The following DPP6 variants were observed in gnomAD, a reference collection of about 807,000 sequenced individuals.
The protein encoded by DPP6 is A-type potassium channel modulatory protein DPP6.
A neutral mutation model predicts 122.6 loss-of-function variants in DPP6; 69 were observed. The observed-to-expected ratio is 0.56, with a 90% CI of 0.46 to 0.69. The LOEUF is 0.69. Among genes scored for constraint, DPP6 ranks in the 30% least tolerant of loss-of-function variants. The pLI is 0.00. For missense variants in DPP6, 928 were observed against 1,116.9 expected (o/e 0.83, Z 2.41); for synonymous variants, 418 against 433.1 (o/e 0.97, Z 0.43).
chr7:154,187,520 C>T (rs961026997), intron 1 of DPP6, among the ~76,000 whole-genome samples: 1 of 152,166 alleles, frequency 6.6e-6, no homozygotes, highest in African/African-American at 2.4e-5. Context: ...GGAAGAGCTC[C>T]TTTAAATTTA....
chr7:154,232,723 C>A (rs1460428594), intron 1 of DPP6, among the ~76,000 whole-genome samples: 1 of 152,192 alleles, frequency 6.6e-6, no homozygotes, highest in Non-Finnish European at 1.5e-5. Flanking sequence ...ACACATTCTA[C>A]CTGCGGAGCT....
chr7:154,744,356 A>G (rs1842943094), intron 8 of DPP6, among the ~76,000 whole-genome samples: 1 of 152,242 alleles, frequency 6.6e-6, no homozygotes, highest in Non-Finnish European at 1.5e-5. Context: ...TGGAATAGAA[A>G]GTCAAAACCC....
chr7:154,599,418 C>T (rs376921799), intron 5 of DPP6, among the ~76,000 whole-genome samples: 21 of 152,082 alleles, frequency 1.4e-4, no homozygotes, highest in Middle Eastern at 6.8e-3. Flanking sequence ...GCTCAGGTGA[C>T]GAGGTGAATA....
intron 1 of DPP6, among the ~76,000 whole-genome samples, chr7:154,283,102 G>A (rs1460394029): frequency 6.6e-6 from 1 of 152,150 alleles, no homozygotes; most frequent in Non-Finnish European, 1.5e-5. Flanking sequence ...TCTGAATCGG[G>A]ACCAGTCTCA....
At chr7:153,940,723 C>T (rs146705603) in intron 1 of DPP6, among the ~76,000 whole-genome samples, 99 of 152,280 alleles carry the variant, frequency 6.5e-4, no homozygotes, top group African/African-American at 2.0e-3. Context: ...GAAGAGAGCC[C>T]ACCTGGGGAC....
chr7:154,792,826 A>G (rs1444810465), intron 10 of DPP6, among the ~76,000 whole-genome samples: 1 of 152,214 alleles, frequency 6.6e-6, no homozygotes. Flanking sequence ...CCCAGTCCTC[A>G]GGAACTCCCC....
chr7:154,310,489 A>G (rs957958646), intron 1 of DPP6, among the ~76,000 whole-genome samples: 3 of 152,250 alleles, frequency 2.0e-5, no homozygotes, highest in Non-Finnish European at 4.4e-5. Context: ...GTGCAACCCA[A>G]ACTCAAAACA....
rs1436214317 is a variant in DPP6 at position 154,241,184 on chromosome 7, T to TATGC, written c.243+188124_243+188125insCATG. ...TGCACAGTAGGTAATTCAATATCAATATGTGTGTGTGTGTGTGTGTGTGTG... is the reference window on the plus strand; with the variant it reads ...TGCACAGTAGGTAATTCAATATCAATATGCATGTGTGTGTGTGTGTGTGTGTGTG... On this transcript the variant is annotated intron_variant, in intron 1 of 25. Coordinates refer to ENST00000377770, the MANE Select transcript of DPP6 (RefSeq NM_130797.4). This position sits in a 1 kb window ranked among gnomAD's most constrained non-coding sequence, Gnocchi z 9.0. Among the ~76,000 whole-genome samples, 7 of 100,706 alleles carry TATGC rather than the reference T, an allele frequency of 7.0e-5. No individual in the cohort carries two copies. Among genetic ancestry groups the TATGC allele is most frequent in the Admixed American group, 1.2e-4 (1 of 8,522 alleles). The allele number at this position is 100,706 out of a possible 152,430, so 66.1% of individuals were successfully genotyped here. A position where few individuals can be genotyped will look rare whatever the true frequency, so the allele number is the denominator to read the frequency against.
intron 1 of DPP6, among the ~76,000 whole-genome samples, chr7:154,000,554 G>T (rs1247836501): frequency 1.3e-5 from 2 of 152,184 alleles, no homozygotes; most frequent in Non-Finnish European, 2.9e-5. Context: ...GATCCAGCTG[G>T]CAAGTTGGCA....
chr7:154,169,586 A>G (rs1797431751), intron 1 of DPP6, among the ~76,000 whole-genome samples: 2 of 152,220 alleles, frequency 1.3e-5, no homozygotes, highest in African/African-American at 4.8e-5. Flanking sequence ...TGTTAAATGA[A>G]TTAATGCATT....
At chr7:154,817,366 C>T (rs149875102) in intron 16 of DPP6, among the ~76,000 whole-genome samples, 17 of 151,988 alleles carry the variant, frequency 1.1e-4, no homozygotes, top group South Asian at 2.1e-4. Flanking sequence ...TGATGGATGA[C>T]GTCACAAAAG....
At chr7:153,773,168 A>G in the DPP6 span, among the ~76,000 whole-genome samples, 1 of 148,826 alleles carries the variant, frequency 6.7e-6, no homozygotes, top group African/African-American at 2.4e-5. Context: ...GACAGAACAC[A>G]CAAAACCAAA....
chr7:154,623,641 A>ATG, intron 5 of DPP6, among the ~76,000 whole-genome samples: 1 of 93,378 alleles, frequency 1.1e-5, no homozygotes, highest in African/African-American at 3.8e-5. Flanking sequence ...GCGTGCACAC[A>ATG]CGCGCACACA....
intron 4 of DPP6, among the ~76,000 whole-genome samples, chr7:154,545,440 T>C (rs1402786822): frequency 1.3e-5 from 2 of 151,206 alleles, no homozygotes; most frequent in Non-Finnish European, 2.9e-5. Flanking sequence ...TCCCTCCTTT[T>C]CTTCATCCTT....
intron 1 of DPP6, among the ~76,000 whole-genome samples, chr7:153,932,136 T>TTTC (rs1801198282): frequency 6.6e-6 from 1 of 151,564 alleles, no homozygotes; most frequent in African/African-American, 2.4e-5. Context: ...TTTTTTTTTT[T>TTTC]TTTTAACAGA....
At chr7:154,231,067 C>T (rs901712700) in intron 1 of DPP6, among the ~76,000 whole-genome samples, 2 of 152,146 alleles carry the variant, frequency 1.3e-5, no homozygotes, top group Non-Finnish European at 2.9e-5. Context: ...GTGACTGATT[C>T]TTCTTGCATA....
chr7:154,883,237 CAT>C (rs1212429461), intron 21 of DPP6, among the ~76,000 whole-genome samples: 34 of 143,116 alleles, frequency 2.4e-4, no homozygotes. Context: ...AATGCTCACA[CAT>C]TCACACACGC....
chr7:154,251,480 C>T (rs961708777), intron 1 of DPP6, among the ~76,000 whole-genome samples: 3 of 152,146 alleles, frequency 2.0e-5, no homozygotes, highest in African/African-American at 7.2e-5. Flanking sequence ...AGGATATATG[C>T]ATATATAAAA....
Position 154,853,795 on chromosome 7 carries a change from T to C in DPP6, c.1682T>C (p.Met561Thr), listed in dbSNP as rs1166705741. The C allele has an allele frequency of 1.2e-6, 2 of 1,613,944 alleles. No homozygotes were observed. Among genetic ancestry groups the C allele is most frequent in the Admixed American group, 1.7e-5 (1 of 60,030 alleles). ...CCCAACACAGGTCCTGGTGTTCCTATGGTGACGGTGCACAACACAACAGAT... is the reference window on the plus strand; with the variant it reads ...CCCAACACAGGTCCTGGTGTTCCTACGGTGACGGTGCACAACACAACAGAT... ...LLKCEGPGVP[M>T]VTVHNTTDKK... The change falls in exon 17 of 26, where the codon ATG becomes ACG. Residue 561 changes from methionine (M) to threonine (T), a missense_variant. Physicochemically the swap from Met to Thr is moderately conservative, Grantham distance 81 (BLOSUM62 -1). Coordinates refer to ENST00000377770, the MANE Select transcript of DPP6 (RefSeq NM_130797.4).
Sources: gnomAD v4.1 joint callset for allele counts (sites outside exome capture counted in the v4.1 genomes callset) on GRCh38, gnomAD v4.1.1 for gene constraint, Gnocchi (gnomAD v3.1) non-coding constraint, MANE v1.5 for transcripts, NCBI Gene and HGNC (gene_info 2026-07-23, HGNC 2026-07-21) for gene names.